The following PAWR variants were observed in gnomAD, a reference collection of about 807,000 sequenced individuals.
The protein encoded by PAWR is pro-apoptotic WT1 regulator.
A neutral mutation model predicts 32.0 loss-of-function variants in PAWR; 23 were observed. The observed-to-expected ratio is 0.72, with a 90% confidence interval of 0.52 to 1.02. PAWR has a LOEUF of 1.02. Among genes scored for constraint, PAWR ranks in the 50% least tolerant of loss-of-function variants. PAWR has a pLI of 0.00. For missense variants in PAWR, 457 were observed against 437.7 expected (o/e 1.04, Z -0.39); for synonymous variants, 226 against 187.1 (o/e 1.21, Z -1.70).
chr12:79,596,174 C>T lies in PAWR; in HGVS notation c.831+337G>A, dbSNP rs141698025. Among the ~76,000 whole-genome samples the T allele has an allele frequency of 4.1e-3, 623 of 152,284 alleles. 12 individuals are homozygous for T. The highest frequency in any genetic ancestry group is 0.014 in the African/African-American group (591 of 41,566). ...TTTATGCCAAGAGTCATCTGACTTG[C>T]ACTGAAAGACACTTTTAAACAGGCA... is the stretch of plus-strand genomic sequence containing the variant. On this transcript the variant is annotated intron_variant, in intron 5 of 6. Coordinates refer to ENST00000328827, the MANE Select transcript of PAWR (RefSeq NM_002583.4).
At chr12:79,665,436 A>G (rs1877556928) in intron 2 of PAWR, among the ~76,000 whole-genome samples, 1 of 152,214 alleles carries the variant, frequency 6.6e-6, no homozygotes, top group Admixed American at 6.5e-5. Flanking sequence ...AAACTGCCAA[A>G]TATTTTAAGA....
chr12:79,648,793 GA>G (rs376381774), intron 2 of PAWR, among the ~76,000 whole-genome samples: 107 of 120,348 alleles, frequency 8.9e-4, no homozygotes, highest in African/African-American at 3.8e-3. Flanking sequence ...ACAGGGGCTA[GA>G]AAAAAAAAAA....
At chr12:79,641,840 C>T (rs561048011) in intron 2 of PAWR, among the ~76,000 whole-genome samples, 27 of 93,368 alleles carry the variant, frequency 2.9e-4, no homozygotes, top group African/African-American at 1.1e-3. Context: ...AGCGAGACTC[C>T]GTCTCAAAAA....
At chr12:79,632,346 T>TAC (rs1238810812) in intron 2 of PAWR, among the ~76,000 whole-genome samples, 1 of 66,800 alleles carries the variant, frequency 1.5e-5, no homozygotes, top group African/African-American at 1.7e-4. Context: ...TATATATATA[T>TAC]ATATATATAT....
At chr12:79,593,991 A>C (rs1352612613) in intron 6 of PAWR, among the ~76,000 whole-genome samples, 1 of 152,096 alleles carries the variant, frequency 6.6e-6, no homozygotes, top group Non-Finnish European at 1.5e-5. Context: ...GGTGTGAGCC[A>C]CAGCGCCTGG....
chr12:79,689,584 C>T (rs894694855), intron 2 of PAWR, 145 bp downstream of exon 2: 2 of 879,276 alleles, frequency 2.3e-6, no homozygotes, highest in Admixed American at 6.0e-5. Context: ...AAAACTCCAT[C>T]ACCCCCTGCC....
chr12:79,648,469 A>C (rs1390831195), intron 2 of PAWR, among the ~76,000 whole-genome samples: 1 of 152,066 alleles, frequency 6.6e-6, no homozygotes, highest in Non-Finnish European at 1.5e-5. Flanking sequence ...CCACACACAC[A>C]TTTGGATATA....
intron 2 of PAWR, among the ~76,000 whole-genome samples, chr12:79,661,738 A>G (rs1248040796): frequency 1.3e-5 from 2 of 152,128 alleles, no homozygotes; most frequent in Non-Finnish European, 2.9e-5. Flanking sequence ...CCTCACAAAC[A>G]CTTATTTCAA....
intron 2 of PAWR, among the ~76,000 whole-genome samples, chr12:79,663,022 C>G (rs901808833): frequency 6.6e-6 from 1 of 152,136 alleles, no homozygotes; most frequent in African/African-American, 2.4e-5. Flanking sequence ...ATAGGCAGTT[C>G]AATCTCCATT....
At chr12:79,629,016 C>G (rs945374973) in intron 2 of PAWR, among the ~76,000 whole-genome samples, 1 of 151,730 alleles carries the variant, frequency 6.6e-6, no homozygotes, top group Non-Finnish European at 1.5e-5. Flanking sequence ...AAAAGCCAAT[C>G]AAAGAGCTTT....
intron 1 of PAWR, 119 bp from the exon 2 acceptor site, chr12:79,690,510 G>C: frequency 2.3e-6 from 1 of 439,472 alleles, no homozygotes; most frequent in South Asian, 6.0e-5. Flanking sequence ...GTCACTACCG[G>C]CCAGCAGCCG....
chr12:79,605,353 A>G (rs1565999151), intron 4 of PAWR, among the ~76,000 whole-genome samples: 1 of 152,162 alleles, frequency 6.6e-6, no homozygotes, highest in Non-Finnish European at 1.5e-5. Flanking sequence ...AGACAAGTCC[A>G]GAAAACACTC....
intron 4 of PAWR, among the ~76,000 whole-genome samples, chr12:79,612,133 A>G (rs1387450597): frequency 1.3e-5 from 2 of 152,178 alleles, no homozygotes; most frequent in Admixed American, 1.3e-4. Flanking sequence ...TTATTTCTGG[A>G]AAGAGAAAAA....
intron 2 of PAWR, among the ~76,000 whole-genome samples, chr12:79,653,634 C>T (rs1216513835): frequency 6.6e-6 from 1 of 152,122 alleles, no homozygotes; most frequent in Non-Finnish European, 1.5e-5. Context: ...CATGCGCCAC[C>T]ACGCCAGGCT....
intron 2 of PAWR, chr12:79,667,871 T>C (rs1877687366): frequency 6.6e-6 from 1 of 152,074 alleles, no homozygotes; most frequent in South Asian, 2.1e-4. Flanking sequence ...TTGATAATAC[T>C]ATCTTATTTC....
intron 6 of PAWR, among the ~76,000 whole-genome samples, chr12:79,593,402 T>C (rs1259327876): frequency 6.6e-6 from 1 of 152,158 alleles, no homozygotes; most frequent in Non-Finnish European, 1.5e-5. Context: ...CTTTTTTCCC[T>C]GTATTAATCC....
chr12:79,681,359 CT>C (rs1413262062), intron 2 of PAWR, among the ~76,000 whole-genome samples: 1 of 152,074 alleles, frequency 6.6e-6, no homozygotes, highest in Non-Finnish European at 1.5e-5. Context: ...GCTTGGTAGG[CT>C]GAGGCAAGAG....
intron 4 of PAWR, among the ~76,000 whole-genome samples, 153 bp downstream of exon 4, chr12:79,613,422 G>C (rs1466506755): frequency 6.6e-6 from 1 of 152,124 alleles, no homozygotes; most frequent in African/African-American, 2.4e-5. Context: ...AGGCAGACAT[G>C]ATACTCCTGC....
intron 2 of PAWR, among the ~76,000 whole-genome samples, chr12:79,644,172 C>CTA (rs924305476): frequency 4.6e-5 from 7 of 152,036 alleles, no homozygotes; most frequent in African/African-American, 1.7e-4. Context: ...TTGGGTTTTG[C>CTA]TTTATTTTAA....
Sources: gnomAD v4.1 joint callset for allele counts (sites outside exome capture counted in the v4.1 genomes callset) on GRCh38, gnomAD v4.1.1 for gene constraint, MANE v1.5 for transcripts, NCBI Gene and HGNC (gene_info 2026-07-23, HGNC 2026-07-21) for gene names.